Variants in SLC6A7 observed in about 807,000 individuals in gnomAD.
SLC6A7 encodes solute carrier family 6 member 7.
In SLC6A7, 58 loss-of-function variants were observed where a neutral mutation model predicts 73.1. The observed-to-expected ratio is 0.79, with a 90% CI of 0.64 to 0.99. The LOEUF (loss-of-function observed/expected upper bound fraction) is 0.99, where lower values mean the gene tolerates loss of function less well. Ranked by LOEUF, SLC6A7 falls within the 50% of genes least tolerant of loss-of-function variation. The pLI is 0.00. For synonymous variants in SLC6A7, 338 were observed against 338.7 expected, an observed-to-expected ratio of 1.00 and a Z score of 0.02; for missense variants, 783 against 831.4, an observed-to-expected ratio of 0.94 and a Z score of 0.72.
chr5:150,203,167 T>C (rs767626739), intron 8 of SLC6A7, among the ~76,000 whole-genome samples: 5 of 151,820 alleles, frequency 3.3e-5, no homozygotes, highest in Non-Finnish European at 7.4e-5. Flanking sequence ...TGGTCTCTGG[T>C]GGTCCATGTG....
intron 13 of SLC6A7, among the ~76,000 whole-genome samples, chr5:150,208,410 G>T (rs529332823): frequency 6.6e-6 from 1 of 152,170 alleles, no homozygotes; most frequent in Non-Finnish European, 1.5e-5. Context: ...CCAGTGCTGC[G>T]GCTGGAGCAG....
intron 2 of SLC6A7, 89 bp downstream of exon 2, chr5:150,195,000 G>A: frequency 8.5e-7 from 1 of 1,170,740 alleles, no homozygotes; most frequent in Non-Finnish European, 1.2e-6. Flanking sequence ...CTCAGCCACT[G>A]TCTCCTAGGC....
intron 7 of SLC6A7, 39 bp from the exon 8 acceptor site, chr5:150,202,540 C>T (rs2240788): frequency 0.47 from 752,349 of 1,609,712 alleles, 180,763 homozygotes; most frequent in Non-Finnish European, 0.5. Context: ...GAAAGGAAGG[C>T]CCACTCACCC....
chr5:150,208,114 C>T (rs1393995129), intron 13 of SLC6A7, among the ~76,000 whole-genome samples: 1 of 151,946 alleles, frequency 6.6e-6, no homozygotes, highest in East Asian at 1.9e-4. Context: ...TGGAAACAAA[C>T]CTAAGTCCTT....
chr5:150,205,703 A>C (rs957203444), intron 13 of SLC6A7, 80 bp downstream of exon 13: 1 of 1,233,764 alleles, frequency 8.1e-7, no homozygotes, highest in African/African-American at 1.5e-5. Context: ...AACAGAAAAC[A>C]TATGCACCCA....
chr5:150,203,615 TG>T, intron 8 of SLC6A7, 51 bp from the exon 9 acceptor site: 1 of 902,260 alleles, frequency 1.1e-6, no homozygotes, highest in African/African-American at 1.6e-5. Flanking sequence ...AGTGTGCGTA[TG>T]GGAGCCCACC....
At chr5:150,207,255 C>T (rs1412591015) in intron 13 of SLC6A7, among the ~76,000 whole-genome samples, 1 of 151,776 alleles carries the variant, frequency 6.6e-6, no homozygotes, top group Non-Finnish European at 1.5e-5. Flanking sequence ...GTTTTTTTGT[C>T]TTTTTTTGTT....
intron 10 of SLC6A7, 70 bp downstream of exon 10, chr5:150,204,108 C>G: frequency 6.7e-7 from 1 of 1,483,760 alleles, no homozygotes; most frequent in African/African-American, 1.4e-5. Context: ...AGATCTCTGG[C>G]CCAGCTGAGC....
At chr5:150,205,950 A>G (rs1472516453) in intron 13 of SLC6A7, among the ~76,000 whole-genome samples, 1 of 152,146 alleles carries the variant, frequency 6.6e-6, no homozygotes, top group African/African-American at 2.4e-5. Context: ...TCAGGGTCAA[A>G]TGGCGACAGT....
Position 150,209,503 on chromosome 5 carries a change from C to G in SLC6A7, c.1799C>G (p.Ser600Ter). 6.2e-7 allele frequency: 1 copy of G among 1,614,174 alleles called. No individual in the cohort carries two copies. Among genetic ancestry groups the G allele is most frequent in the East Asian group, 2.2e-5 (1 of 44,878 alleles). ...GTGGCCACGCTGGCTGGGAGCCAGT[C>G]ACCAAAGCCACTGATGGTGCACATG... ...MYVATLAGSQ[S>*]PKPLMVHMRK... The change falls in exon 14 of 14, where the codon TCA becomes TGA. Residue 600 changes from serine to a stop codon, truncating the protein, a stop_gained. Transcript: ENST00000230671. LOFTEE classifies it high-confidence loss of function.
chr5:150,206,154 T>C (rs1753688224), intron 13 of SLC6A7, among the ~76,000 whole-genome samples: 1 of 152,064 alleles, frequency 6.6e-6, no homozygotes, highest in Non-Finnish European at 1.5e-5. Flanking sequence ...TAGTGACCCT[T>C]TGTGGGCCAG....
At chr5:150,204,157 C>A in intron 10 of SLC6A7, 119 bp downstream of exon 10, 1 of 976,530 alleles carries the variant, frequency 1.0e-6, no homozygotes, top group South Asian at 1.6e-5. Context: ...TTGCAAGGAA[C>A]CCAGTCCCTC....
intron 13 of SLC6A7, 76 bp from the exon 14 acceptor site, chr5:150,209,330 G>A (rs1753848925): frequency 1.6e-6 from 2 of 1,233,064 alleles, no homozygotes; most frequent in Middle Eastern, 2.7e-4. Flanking sequence ...GGTGTTTGCT[G>A]GGTGTCTGGC....
At chr5:150,193,009 G>A (rs1291303350) in intron 1 of SLC6A7, among the ~76,000 whole-genome samples, 3 of 152,174 alleles carry the variant, frequency 2.0e-5, no homozygotes, top group Non-Finnish European at 4.4e-5. Flanking sequence ...GGAAGGGTGG[G>A]TTTCACTTAA....
At chr5:150,204,073 G>C (rs773776265) in intron 10 of SLC6A7, 35 bp downstream of exon 10, 1 of 1,600,078 alleles carries the variant, frequency 6.2e-7, no homozygotes, top group African/African-American at 1.3e-5. Flanking sequence ...GCAGGTGGGC[G>C]GGACAAGGGC....
chr5:150,203,133 A>G (rs1335442255), intron 8 of SLC6A7, among the ~76,000 whole-genome samples: 1 of 150,934 alleles, frequency 6.6e-6, no homozygotes, highest in African/African-American at 2.4e-5. Flanking sequence ...GCACACATGT[A>G]CGTGCAAAGG....
In SLC6A7 at chr5:150,203,974, A is replaced by T; in HGVS notation, c.1268A>T (p.Lys423Met). Residue 423 changes from lysine to methionine, a missense_variant, in exon 10 of 14, where the codon AAG becomes ATG. Lys to Met is a moderately conservative substitution (Grantham distance 95). Coordinates refer to ENST00000230671, the MANE Select transcript of SLC6A7 (RefSeq NM_014228.5). ...DEFPYYLRPK[K>M]AVFSGLICVA... ...TTCCCATACTACCTGCGGCCCAAGA[A>T]GGCGGTGTTCTCAGGGCTCATCTGC... 6.2e-7 allele frequency: 1 copy of T among 1,613,834 alleles called. No homozygotes were observed. Among genetic ancestry groups the T allele is most frequent in the Non-Finnish European group, 8.5e-7 (1 of 1,179,950 alleles).
At chr5:150,208,878 G>T (rs1424146168) in intron 13 of SLC6A7, among the ~76,000 whole-genome samples, 1 of 152,178 alleles carries the variant, frequency 6.6e-6, no homozygotes, top group South Asian at 2.1e-4. Flanking sequence ...GCAGGTCGGG[G>T]CTGGAAGAAA....
chr5:150,207,317 G>A (rs546978166), intron 13 of SLC6A7, among the ~76,000 whole-genome samples: 6 of 152,116 alleles, frequency 3.9e-5, no homozygotes, highest in Non-Finnish European at 7.4e-5. Flanking sequence ...GTGCAGTGAC[G>A]CCATCTGGGC....
Sources: gnomAD v4.1 joint callset for allele counts (sites outside exome capture counted in the v4.1 genomes callset) on GRCh38, gnomAD v4.1.1 for gene constraint, MANE v1.5 for transcripts, NCBI Gene and HGNC (gene_info 2026-07-23, HGNC 2026-07-21) for gene names.